CUX1: variants seen among roughly 807,000 people sequenced by gnomAD.
CUX1 encodes protein CASP.
In CUX1, 31 loss-of-function variants were observed where a neutral mutation model predicts 158.8. That is an observed-to-expected ratio of 0.20 (90% confidence interval 0.15 to 0.26). The LOEUF is 0.26. CUX1 is among the 10% of genes least tolerant of loss of function. CUX1 has a pLI of 1.00. For synonymous variants in CUX1, 879 were observed against 862.1 expected (o/e 1.02, Z -0.34); for missense variants, 1,589 against 2,014.6 (o/e 0.79, Z 4.04).
chr7:102,241,719 A>AC (rs1800234813), intron 23 of CUX1, among the ~76,000 whole-genome samples: 1 of 152,240 alleles, frequency 6.6e-6, no homozygotes, highest in African/African-American at 2.4e-5. Flanking sequence ...CGCACCTGCT[A>AC]CGTGGACCCT....
Position 102,254,738 on chromosome 7 carries a change from C to T in CUX1, c.*5696C>T, listed in dbSNP as rs1342707956. 4.1e-6 allele frequency: 4 copies of T among 985,370 alleles called. No homozygotes were observed. In the African/African-American group the frequency reaches 5.2e-5, roughly 13 times the overall value. The allele number at this position is 985,370 out of a possible 1,614,324, so 61.0% of individuals were successfully genotyped here. A position where few individuals can be genotyped will look rare whatever the true frequency, so the allele number is the denominator to read the frequency against. The stretch of plus-strand genomic sequence containing the variant: ...AGCCTTTGTGACCACAAGGGCAGGG[C>T]TTGTGCCCTGAGTGGCGAGGTGGTG... On this transcript the variant is annotated 3_prime_UTR_variant, in exon 24 of 24. Transcript: ENST00000292535.
chr7:101,967,003 T>A (rs1811306752), intron 2 of CUX1, among the ~76,000 whole-genome samples: 2 of 151,972 alleles, frequency 1.3e-5, no homozygotes, highest in East Asian at 3.9e-4. Flanking sequence ...GGAATTTTTT[T>A]ATTTTATTTT....
At chr7:101,846,445 C>T (rs1795697999) in intron 1 of CUX1, among the ~76,000 whole-genome samples, 1 of 152,160 alleles carries the variant, frequency 6.6e-6, no homozygotes, top group Admixed American at 6.5e-5. Flanking sequence ...CAGCCTCCCA[C>T]CTAAGCCCCC....
At chr7:101,938,292 A>T (rs987563112) in intron 2 of CUX1, among the ~76,000 whole-genome samples, 2 of 151,860 alleles carry the variant, frequency 1.3e-5, no homozygotes, top group African/African-American at 4.8e-5. Context: ...TTTTGCAGAG[A>T]CAGGGTCTCG....
intron 10 of CUX1, among the ~76,000 whole-genome samples, chr7:102,177,141 C>CA (rs1287129920): frequency 1.3e-5 from 2 of 151,800 alleles, no homozygotes; most frequent in Non-Finnish European, 2.9e-5. Flanking sequence ...TGGCCGGGCA[C>CA]AGTGGCTCAT....
At position 102,030,689 on chromosome 7, in the gene CUX1, G is replaced by GTGTTTTTTTTTGTTTTGTTTTGTTTTT. The variant is rs1554459457; in HGVS notation, c.189+2555_189+2556insGTTTTGTTTTGTTTTTTGTTTTTTTTT. 7.3e-5 allele frequency among the ~76,000 whole-genome samples: 6 copies of GTGTTTTTTTTTGTTTTGTTTTGTTTTT among 82,540 alleles called. 1 individual carries two copies. The highest frequency in any genetic ancestry group is 2.1e-4 in the African/African-American group (4 of 18,748). The allele number at this position is 82,540 out of a possible 152,430, so 54.1% of individuals were successfully genotyped here. On this transcript the variant is annotated intron_variant, in intron 3 of 23. Coordinates refer to ENST00000292535, the MANE Select transcript of CUX1 (RefSeq NM_181552.4). Reference sequence around the variant, plus strand: ...TCTATCTAATTTTCTATTTTAAAAAGTGTTTTTTTTTTTTGAGACAGGGTC... The same window carrying GTGTTTTTTTTTGTTTTGTTTTGTTTTT: ...TCTATCTAATTTTCTATTTTAAAAAGTGTTTTTTTTTGTTTTGTTTTGTTTTTTGTTTTTTTTTTTTGAGACAGGGTC...
At chr7:102,101,107 C>T (rs1428458825) in intron 5 of CUX1, among the ~76,000 whole-genome samples, 1 of 152,166 alleles carries the variant, frequency 6.6e-6, no homozygotes, top group African/African-American at 2.4e-5. Context: ...GGGATTCGCC[C>T]CCATGACCCA....
At chr7:102,182,403 A>G (rs1793194899) in intron 11 of CUX1, among the ~76,000 whole-genome samples, 1 of 152,182 alleles carries the variant, frequency 6.6e-6, no homozygotes, top group African/African-American at 2.4e-5. Flanking sequence ...ACCCATTGAA[A>G]TTCTCCATCT....
intron 3 of CUX1, among the ~76,000 whole-genome samples, chr7:102,062,014 A>C (rs1441434821): frequency 2.0e-5 from 3 of 152,178 alleles, no homozygotes; most frequent in African/African-American, 7.2e-5. Context: ...GCTGGCTGTG[A>C]CTGTGCCCCA....
intron 2 of CUX1, among the ~76,000 whole-genome samples, chr7:102,014,239 C>G (rs1030744364): frequency 7.9e-5 from 12 of 152,102 alleles, no homozygotes; most frequent in African/African-American, 1.2e-4. Flanking sequence ...AAGCTACATT[C>G]ATAGTATCTC....
intron 2 of CUX1, among the ~76,000 whole-genome samples, chr7:101,985,359 G>A (rs1814159625): frequency 2.0e-5 from 3 of 152,282 alleles, no homozygotes; most frequent in South Asian, 2.1e-4. Flanking sequence ...GGGGTTCAGG[G>A]AAACTGGGGA....
At chr7:101,831,918 A>AT (rs1024118984) in intron 1 of CUX1, among the ~76,000 whole-genome samples, 3 of 147,680 alleles carry the variant, frequency 2.0e-5, no homozygotes, top group East Asian at 2.0e-4. Context: ...ACTTTTTTGT[A>AT]TTTTTTGTAG....
chr7:102,069,006 C>T (rs1226044813), intron 3 of CUX1, among the ~76,000 whole-genome samples: 3 of 152,192 alleles, frequency 2.0e-5, no homozygotes, highest in Non-Finnish European at 4.4e-5. Context: ...AAAACCTTGC[C>T]AGTTGCCTAA....
chr7:101,992,445 T>TCAGCTAACGAGACTGTTACCTCACCACAG (rs1815267778), intron 2 of CUX1, among the ~76,000 whole-genome samples: 1 of 152,134 alleles, frequency 6.6e-6, no homozygotes, highest in Non-Finnish European at 1.5e-5. Flanking sequence ...AAGGGAGGTG[T>TCAGCTAACGAGACTGTTACCTCACCACAG]CAGCTAACGA....
chr7:102,012,080 C>A (rs1419279095), intron 2 of CUX1, among the ~76,000 whole-genome samples: 3 of 152,050 alleles, frequency 2.0e-5, no homozygotes, highest in Non-Finnish European at 4.4e-5. Flanking sequence ...AGAAAGGACT[C>A]TTTGAAAGGG....
At chr7:102,151,459 A>G (rs990987104) in intron 8 of CUX1, among the ~76,000 whole-genome samples, 3 of 152,054 alleles carry the variant, frequency 2.0e-5, no homozygotes, top group Non-Finnish European at 2.9e-5. Context: ...AGGCTGAGGC[A>G]GGGAGAATCG....
intron 4 of CUX1, among the ~76,000 whole-genome samples, chr7:102,071,441 A>G (rs1274961796): frequency 6.6e-6 from 1 of 152,128 alleles, no homozygotes; most frequent in Non-Finnish European, 1.5e-5. Flanking sequence ...AAGGTGATGG[A>G]CATAACTATG....
chr7:101,905,476 A>G (rs1584939308), intron 1 of CUX1, among the ~76,000 whole-genome samples: 3 of 152,296 alleles, frequency 2.0e-5, no homozygotes, highest in African/African-American at 7.2e-5. Context: ...TTCACCCGAC[A>G]GGCAGTGGGA....
At chr7:101,826,840 G>A (rs1214276406) in intron 1 of CUX1, among the ~76,000 whole-genome samples, 3 of 152,036 alleles carry the variant, frequency 2.0e-5, no homozygotes, top group Non-Finnish European at 4.4e-5. Flanking sequence ...TATCCCTTGG[G>A]TACCCACCAC....
Sources: allele counts gnomAD v4.1 joint callset (sites outside exome capture counted in the v4.1 genomes callset), GRCh38; gene constraint gnomAD v4.1.1; transcripts MANE v1.5; gene names NCBI Gene and HGNC (gene_info 2026-07-23, HGNC 2026-07-21).